Variants in UNC5C observed in about 807,000 individuals in gnomAD.
The protein encoded by UNC5C is unc-5 netrin receptor C, also known as netrin receptor UNC5C.
UNC5C carries 47 observed loss-of-function variants against 99.8 expected under a neutral mutation model. That is an observed-to-expected ratio of 0.47 (90% confidence interval 0.37 to 0.60). UNC5C has a LOEUF of 0.60. Among genes scored for constraint, UNC5C ranks in the 20% least tolerant of loss-of-function variants. UNC5C has a pLI of 0.00. For missense variants in UNC5C, 1,062 were observed against 1,165.9 expected (o/e 0.91, Z 1.30); for synonymous variants, 487 against 452.2 (o/e 1.08, Z -0.98).
intron 7 of UNC5C, among the ~76,000 whole-genome samples, chr4:95,225,296 A>G (rs545786929): frequency 5.9e-5 from 9 of 152,304 alleles, no homozygotes; most frequent in Non-Finnish European, 1.2e-4. Flanking sequence ...GGCTCAAGCT[A>G]TCTGCCCACC....
chr4:95,218,532 T>C (rs757928890), intron 9 of UNC5C, among the ~76,000 whole-genome samples: 12 of 152,222 alleles, frequency 7.9e-5, no homozygotes, highest in Non-Finnish European at 1.5e-4. Flanking sequence ...ATGTCTATTA[T>C]GATACCTCTG....
intron 1 of UNC5C, among the ~76,000 whole-genome samples, chr4:95,353,678 A>G (rs1174678273): frequency 1.3e-5 from 2 of 151,992 alleles, no homozygotes; most frequent in African/African-American, 2.4e-5. Flanking sequence ...ATAGAAATAT[A>G]TTGAAAATAA....
chr4:95,548,684 G>A (rs779371670), intron 1 of UNC5C, 50 bp downstream of exon 1: 21 of 1,592,378 alleles, frequency 1.3e-5, no homozygotes, highest in East Asian at 6.8e-5. Context: ...AGGAAGGAGG[G>A]AAGGAAGAAG....
chr4:95,503,627 T>A (rs1278902410), intron 1 of UNC5C, among the ~76,000 whole-genome samples: 2 of 152,142 alleles, frequency 1.3e-5, no homozygotes, highest in African/African-American at 4.8e-5. Flanking sequence ...AGATGTCAAA[T>A]AAAATAAACC....
At chr4:95,371,993 T>C (rs774284641) in intron 1 of UNC5C, among the ~76,000 whole-genome samples, 13 of 152,230 alleles carry the variant, frequency 8.5e-5, no homozygotes, top group Admixed American at 5.2e-4. Context: ...ACAATTGCAC[T>C]GTTTCCTATC....
At chr4:95,194,534 T>G (rs1226342539) in intron 12 of UNC5C, among the ~76,000 whole-genome samples, 9 of 152,092 alleles carry the variant, frequency 5.9e-5, no homozygotes. Context: ...TTCTCCACCT[T>G]CCAGAGGTTT....
At chr4:95,450,667 C>A (rs866764125) in intron 1 of UNC5C, among the ~76,000 whole-genome samples, 2 of 152,152 alleles carry the variant, frequency 1.3e-5, no homozygotes, top group African/African-American at 4.8e-5. Context: ...ATAAGAGTGA[C>A]GTGTTTCCAC....
chr4:95,403,896 G>T (rs1745765407), intron 1 of UNC5C, among the ~76,000 whole-genome samples: 1 of 152,200 alleles, frequency 6.6e-6, no homozygotes, highest in South Asian at 2.1e-4. Flanking sequence ...TCGTTTTCCA[G>T]CCATTGAAAG....
chr4:95,449,075 A>C (rs12647172), intron 1 of UNC5C, among the ~76,000 whole-genome samples: 86,601 of 151,590 alleles, frequency 0.57, 25,145 homozygotes, highest in Middle Eastern at 0.66. Context: ...GAAAAAAAAA[A>C]CAAATTATAT....
intron 7 of UNC5C, among the ~76,000 whole-genome samples, chr4:95,241,827 C>T (rs1212699880): frequency 1.3e-5 from 2 of 152,168 alleles, no homozygotes; most frequent in Non-Finnish European, 1.5e-5. Context: ...GCACCCATTA[C>T]ATTCCTGAGC....
Position 95,548,739 on chromosome 4 carries a change from G to T in UNC5C, c.119C>A (p.Ala40Asp). 1 of 1,612,758 alleles carries T rather than the reference G, an allele frequency of 6.2e-7. No homozygotes were observed. Among genetic ancestry groups the T allele is most frequent in the Non-Finnish European group, 8.5e-7 (1 of 1,179,538 alleles). Reference sequence around the variant, plus strand: ...AGCTTGGCGGACCCCCTTACCTTGGGCGGCGGAGCCAGTGCCGCTGGCGCT... The same window carrying T: ...AGCTTGGCGGACCCCCTTACCTTGGTCGGCGGAGCCAGTGCCGCTGGCGCT... ...LLSASGTGSAAQDDDFFHELP... is the reference protein window; with the variant it reads ...LLSASGTGSADQDDDFFHELP... Residue 40 changes from alanine to aspartate, a missense_variant, in exon 1 of 16, where the codon GCC (alanine) becomes GAC (aspartate). Coordinates refer to ENST00000453304, the MANE Select transcript of UNC5C (RefSeq NM_003728.4).
chr4:95,449,709 A>G (rs1747227596), intron 1 of UNC5C, among the ~76,000 whole-genome samples: 1 of 152,232 alleles, frequency 6.6e-6, no homozygotes, highest in Non-Finnish European at 1.5e-5. Flanking sequence ...ACAAATCTAC[A>G]TATAAACCCT....
chr4:95,357,047 C>T (rs1248542584), intron 1 of UNC5C, among the ~76,000 whole-genome samples: 8 of 152,166 alleles, frequency 5.3e-5, no homozygotes, highest in East Asian at 1.9e-4. Flanking sequence ...ACATTTCCAA[C>T]CCATTTCTAA....
intron 1 of UNC5C, among the ~76,000 whole-genome samples, chr4:95,424,858 G>C (rs1746432996): frequency 6.6e-6 from 1 of 152,016 alleles, no homozygotes; most frequent in East Asian, 1.9e-4. Flanking sequence ...GAGGCACAGG[G>C]AAGTCTAGAA....
intron 1 of UNC5C, among the ~76,000 whole-genome samples, chr4:95,347,535 G>A (rs761777703): frequency 1.3e-5 from 2 of 151,974 alleles, no homozygotes; most frequent in Non-Finnish European, 2.9e-5. Context: ...AACCAAAACA[G>A]CATGGTACTG....
In UNC5C at chr4:95,537,444, C is replaced by G. The variant is rs1722809781; in HGVS notation, c.124+11290G>C. On this transcript the variant is annotated intron_variant, in intron 1 of 15. Coordinates refer to ENST00000453304, the MANE Select transcript of UNC5C (RefSeq NM_003728.4). ...CGACAGCCACTGATTAATTACTGCC[C>G]TGTTCTCAACACACATTAGATTACT... is the stretch of plus-strand genomic sequence containing the variant. Among the ~76,000 whole-genome samples, 4 of 152,138 alleles carry G rather than the reference C, an allele frequency of 2.6e-5. No homozygotes were observed. The South Asian group carries it at 8.3e-4, about 32-fold the overall frequency.
At chr4:95,255,865 G>T (rs1739959951) in intron 4 of UNC5C, among the ~76,000 whole-genome samples, 1 of 151,856 alleles carries the variant, frequency 6.6e-6, no homozygotes, top group Non-Finnish European at 1.5e-5. Context: ...AAACTCCTTG[G>T]AATAGTTGTT....
intron 1 of UNC5C, among the ~76,000 whole-genome samples, chr4:95,539,838 G>T (rs148773155): frequency 6.6e-6 from 1 of 151,520 alleles, no homozygotes; most frequent in African/African-American, 2.4e-5. Context: ...TGATCACCAC[G>T]TCTAATAAAT....
chr4:95,402,585 G>T (rs1018442143), intron 1 of UNC5C, among the ~76,000 whole-genome samples: 8 of 152,158 alleles, frequency 5.3e-5, no homozygotes, highest in African/African-American at 1.9e-4. Context: ...TGGCACCTTA[G>T]TGTTACAGGG....
Sources: allele counts gnomAD v4.1 joint callset (sites outside exome capture counted in the v4.1 genomes callset), GRCh38; gene constraint gnomAD v4.1.1; transcripts MANE v1.5; gene names NCBI Gene and HGNC (gene_info 2026-07-23, HGNC 2026-07-21).